Variants in DLC1 observed in about 807,000 individuals in gnomAD.
DLC1 encodes DLC1 Rho GTPase activating protein, also known as rho GTPase-activating protein 7.
A neutral mutation model predicts 140.3 loss-of-function variants in DLC1; 54 were observed. That is an observed-to-expected ratio of 0.38 (90% CI 0.31 to 0.48). The LOEUF is 0.48. Among genes scored for constraint, DLC1 ranks in the 20% least tolerant of loss-of-function variants. The pLI, the probability that DLC1 is intolerant of heterozygous loss-of-function variation, is 0.96. For synonymous variants in DLC1, 986 were observed against 728.1 expected, an observed-to-expected ratio of 1.35 and a Z score of -5.70; for missense variants, 2,536 against 1,907.0, an observed-to-expected ratio of 1.33 and a Z score of -6.14.
intron 1 of DLC1, among the ~76,000 whole-genome samples, chr8:13,571,500 C>G (rs1804651708): frequency 6.6e-6 from 1 of 152,184 alleles, no homozygotes. Context: ...TGTCGAGGTT[C>G]ATCCAAGTTG....
At chr8:13,295,181 C>T (rs1388362589) in intron 5 of DLC1, among the ~76,000 whole-genome samples, 1 of 152,200 alleles carries the variant, frequency 6.6e-6, no homozygotes, top group East Asian at 1.9e-4. Context: ...ATTTTCCCCA[C>T]TTATCTATTT....
chr8:13,258,105 C>G (rs986051559), intron 5 of DLC1, among the ~76,000 whole-genome samples: 1 of 152,212 alleles, frequency 6.6e-6, no homozygotes, highest in Non-Finnish European at 1.5e-5. Flanking sequence ...GCTATCTCAA[C>G]TTGAATCACC....
intron 4 of DLC1, among the ~76,000 whole-genome samples, chr8:13,365,921 C>T (rs1451507600): frequency 6.6e-6 from 1 of 152,162 alleles, no homozygotes; most frequent in Non-Finnish European, 1.5e-5. Flanking sequence ...CACAGCAGGC[C>T]TGTCTGGAAA....
At chr8:13,548,090 C>T (rs891285329) in intron 1 of DLC1, among the ~76,000 whole-genome samples, 2 of 151,964 alleles carry the variant, frequency 1.3e-5, no homozygotes, top group African/African-American at 4.8e-5. Context: ...GCAAGAGTTA[C>T]GTTGTTGAAG....
intron 5 of DLC1, among the ~76,000 whole-genome samples, chr8:13,174,310 G>A (rs964138329): frequency 9.2e-5 from 14 of 152,194 alleles, no homozygotes; most frequent in African/African-American, 3.1e-4. Context: ...GTTGTGAGCA[G>A]TGCTGTTATG....
At chr8:13,535,759 T>A (rs1803256757) in intron 1 of DLC1, among the ~76,000 whole-genome samples, 1 of 151,696 alleles carries the variant, frequency 6.6e-6, no homozygotes, top group Non-Finnish European at 1.5e-5. Context: ...TCTAAGTCAT[T>A]ATGCTGTATT....
chr8:13,320,843 C>T (rs1833073278), intron 4 of DLC1, among the ~76,000 whole-genome samples: 1 of 152,068 alleles, frequency 6.6e-6, no homozygotes, highest in Non-Finnish European at 1.5e-5. Context: ...AGACAGACAC[C>T]ATCTCTACAA....
At chr8:13,402,417 G>A (rs1837337447) in intron 2 of DLC1, among the ~76,000 whole-genome samples, 3 of 152,258 alleles carry the variant, frequency 2.0e-5, no homozygotes, top group Middle Eastern at 3.4e-3. Flanking sequence ...CAGATTCCCT[G>A]TGTTGTACAA....
Position 13,499,133 on chromosome 8 carries a change from T to C in DLC1, c.939A>G (p.Glu313=). The change falls in exon 2 of 18, where the codon GAA becomes GAG. Residue 313 remains glutamate (E), a synonymous_variant. Transcript: ENST00000276297. ...TTAATTGTAAACACTGCATGCCATC[T>C]TCTGCCTTGACCTTTGGTGGACTTT... ...QNKSPPKVKA[E]DGMQCLQLKE... 5 of 1,614,216 alleles carry C rather than the reference T, an allele frequency of 3.1e-6. No homozygotes were observed. The highest frequency in any genetic ancestry group is 4.2e-6 in the Non-Finnish European group (5 of 1,180,014).
At chr8:13,405,660 A>G (rs1376532109) in intron 2 of DLC1, among the ~76,000 whole-genome samples, 1 of 152,160 alleles carries the variant, frequency 6.6e-6, no homozygotes, top group African/African-American at 2.4e-5. Context: ...CTTGGGTATC[A>G]TGAATTCTCT....
intron 4 of DLC1, among the ~76,000 whole-genome samples, chr8:13,353,212 C>T (rs1021469449): frequency 2.0e-5 from 3 of 152,238 alleles, no homozygotes; most frequent in Non-Finnish European, 4.4e-5. Flanking sequence ...TCTTGCAAGA[C>T]GAACACCCAG....
chr8:13,260,403 G>A (rs1047889095), intron 5 of DLC1, among the ~76,000 whole-genome samples: 2 of 152,204 alleles, frequency 1.3e-5, no homozygotes, highest in African/African-American at 4.8e-5. Context: ...GGACAGGACA[G>A]GATTTTGTGA....
rs546547641 is a variant in DLC1 at position 13,378,962 on chromosome 8, C to A, written c.1314+14591G>T. On this transcript the variant is annotated intron_variant, in intron 4 of 17. Transcript: ENST00000276297. ...ATAAATAATAAATATATAATGTTAA[C>A]AGTAATGAAAGATATTGAAATAATT... 8.4e-4 allele frequency among the ~76,000 whole-genome samples: 128 copies of A among 152,160 alleles called. 2 individuals are homozygous for A. In the South Asian group the frequency reaches 0.025, roughly 30 times the overall value.
At chr8:13,569,704 A>G (rs1196056634) in intron 1 of DLC1, among the ~76,000 whole-genome samples, 1 of 152,122 alleles carries the variant, frequency 6.6e-6, no homozygotes, top group Non-Finnish European at 1.5e-5. Context: ...AGTTCTCAGA[A>G]TTACTATTTT....
chr8:13,572,315 T>A (rs1411305575), intron 1 of DLC1, among the ~76,000 whole-genome samples: 1 of 152,166 alleles, frequency 6.6e-6, no homozygotes, highest in Non-Finnish European at 1.5e-5. Context: ...GGTCTCGATC[T>A]CCTGACCTTG....
At chr8:13,346,388 C>T (rs532107349) in intron 4 of DLC1, among the ~76,000 whole-genome samples, 2 of 152,192 alleles carry the variant, frequency 1.3e-5, no homozygotes, top group Non-Finnish European at 2.9e-5. Flanking sequence ...AGGAACGAAA[C>T]GTAGGCTAGT....
At chr8:13,317,385 T>C (rs1253800602) in intron 4 of DLC1, among the ~76,000 whole-genome samples, 1 of 152,198 alleles carries the variant, frequency 6.6e-6, no homozygotes, top group Non-Finnish European at 1.5e-5. Flanking sequence ...TTTATAGACA[T>C]AGCATGGTTA....
intron 5 of DLC1, among the ~76,000 whole-genome samples, chr8:13,122,657 G>A (rs1821194915): frequency 6.6e-6 from 1 of 152,038 alleles, no homozygotes; most frequent in South Asian, 2.1e-4. Context: ...TTCCTAGTAA[G>A]GTTAAGACAG....
Position 13,453,428 on chromosome 8 carries a change from A to ATATATATATATATATATGTG in DLC1, c.1023+45620_1023+45621insCACATATATATATATATATA, listed in dbSNP as rs1563359876. Among the ~76,000 whole-genome samples the ATATATATATATATATATGTG allele has an allele frequency of 9.7e-3, 299 of 30,854 alleles. 27 individuals are homozygous for ATATATATATATATATATGTG. Among genetic ancestry groups the ATATATATATATATATATGTG allele is most frequent in the African/African-American group, 0.046 (272 of 5,958 alleles). 20.2% of individuals were successfully genotyped at this position (30,854 alleles called of 152,430 possible). A position where few individuals can be genotyped will look rare whatever the true frequency, so the allele number is the denominator to read the frequency against. On this transcript the variant is annotated intron_variant, in intron 2 of 17. Transcript: ENST00000276297. ...TGTATATATATATATATATATGTGT[A>ATATATATATATATATATGTG]TATATATATGTATATATATACATAT...
Sources: allele counts gnomAD v4.1 joint callset (sites outside exome capture counted in the v4.1 genomes callset), GRCh38; gene constraint gnomAD v4.1.1; transcripts MANE v1.5; gene names NCBI Gene and HGNC (gene_info 2026-07-23, HGNC 2026-07-21).